The following PTPRT variants were observed in gnomAD, a reference collection of about 807,000 sequenced individuals.
PTPRT encodes protein tyrosine phosphatase receptor type T, also known as receptor-type tyrosine-protein phosphatase T.
PTPRT carries 56 observed loss-of-function variants against 176.8 expected under a neutral mutation model. The ratio of observed to expected loss-of-function variants is 0.32; its 90% CI spans 0.26 to 0.40. The LOEUF is 0.40. Ranked by LOEUF, PTPRT falls within the 10% of genes least tolerant of loss-of-function variation. PTPRT has a pLI of 1.00. For synonymous variants in PTPRT, 783 were observed against 739.0 expected (o/e 1.06, Z -0.96); for missense variants, 1,540 against 1,908.2 (o/e 0.81, Z 3.60).
At chr20:42,566,858 A>T (rs865793891) in intron 7 of PTPRT, among the ~76,000 whole-genome samples, 2 of 152,234 alleles carry the variant, frequency 1.3e-5, no homozygotes, top group Admixed American at 6.5e-5. Flanking sequence ...CAAATGTGCC[A>T]TGGCAATGTA....
At chr20:42,707,439 T>C (rs1249852260) in intron 6 of PTPRT, among the ~76,000 whole-genome samples, 2 of 152,038 alleles carry the variant, frequency 1.3e-5, no homozygotes, top group South Asian at 2.1e-4. Flanking sequence ...AGGTGAACTC[T>C]TAAAAAAGAT....
intron 27 of PTPRT, among the ~76,000 whole-genome samples, chr20:42,094,044 T>G (rs1416117122): frequency 6.6e-6 from 1 of 152,264 alleles, no homozygotes; most frequent in Non-Finnish European, 1.5e-5. Context: ...TGAAAGATTC[T>G]TCATTCACCC....
intron 15 of PTPRT, among the ~76,000 whole-genome samples, chr20:42,225,312 T>C (rs576569367): frequency 1.3e-5 from 2 of 152,278 alleles, no homozygotes; most frequent in East Asian, 3.9e-4. Flanking sequence ...CTAGCCTAGC[T>C]CTATAATTTC....
At chr20:42,162,149 G>A (rs1989630004) in intron 16 of PTPRT, among the ~76,000 whole-genome samples, 1 of 152,104 alleles carries the variant, frequency 6.6e-6, no homozygotes, top group Non-Finnish European at 1.5e-5. Flanking sequence ...TATGAGCTCT[G>A]CCACAGTGAC....
intron 14 of PTPRT, among the ~76,000 whole-genome samples, chr20:42,247,111 TACCCCTAGTTTCTCCA>T (rs1488505894): frequency 2.0e-5 from 3 of 152,252 alleles, no homozygotes; most frequent in African/African-American, 7.2e-5. Context: ...TACCTTCTGT[TACCCCTAGTTTCTCCA>T]ACCAGAAAAT....
intron 11 of PTPRT, among the ~76,000 whole-genome samples, chr20:42,317,483 C>A (rs1210888741): frequency 1.3e-5 from 2 of 152,032 alleles, no homozygotes; most frequent in African/African-American, 4.8e-5. Context: ...CAAAGAGTAC[C>A]CACTGGAGAC....
At chr20:43,069,208 A>T (rs2011149953) in intron 1 of PTPRT, among the ~76,000 whole-genome samples, 1 of 152,106 alleles carries the variant, frequency 6.6e-6, no homozygotes, top group South Asian at 2.1e-4. Context: ...TTCAGATAGG[A>T]TGTCTCTAAC....
intron 1 of PTPRT, among the ~76,000 whole-genome samples, chr20:43,144,375 A>T (rs994399142): frequency 1.3e-5 from 2 of 152,020 alleles, no homozygotes; most frequent in Non-Finnish European, 2.9e-5. Flanking sequence ...ACACACAAAT[A>T]ATCACCTTCC....
chr20:42,641,333 G>A (rs2074744814), intron 7 of PTPRT, among the ~76,000 whole-genome samples: 1 of 152,174 alleles, frequency 6.6e-6, no homozygotes, highest in African/African-American at 2.4e-5. Flanking sequence ...AGTGTGCACT[G>A]AGAACAGCCT....
At chr20:42,159,962 C>T (rs976134242) in intron 17 of PTPRT, among the ~76,000 whole-genome samples, 4 of 152,156 alleles carry the variant, frequency 2.6e-5, no homozygotes, top group African/African-American at 9.7e-5. Context: ...AATTTCATGA[C>T]CTCATACGAC....
chr20:42,944,262 G>A (rs533183871), intron 1 of PTPRT, among the ~76,000 whole-genome samples: 11 of 152,210 alleles, frequency 7.2e-5, no homozygotes, highest in African/African-American at 2.6e-4. Flanking sequence ...TGGAATTTCT[G>A]TCTTCCTAGG....
chr20:42,442,162 G>A (rs556816215), intron 9 of PTPRT, among the ~76,000 whole-genome samples: 8 of 152,246 alleles, frequency 5.3e-5, no homozygotes, highest in South Asian at 4.1e-4. Flanking sequence ...GAGTTTCCTC[G>A]TGAGCTTATC....
At chr20:42,916,612 C>A (rs1376409814) in intron 1 of PTPRT, among the ~76,000 whole-genome samples, 1 of 152,188 alleles carries the variant, frequency 6.6e-6, no homozygotes, top group Non-Finnish European at 1.5e-5. Context: ...TTCTCCACAT[C>A]CTCTCCAGCA....
intron 17 of PTPRT, among the ~76,000 whole-genome samples, chr20:42,150,445 G>C (rs373119202): frequency 6.6e-6 from 1 of 152,122 alleles, no homozygotes. Flanking sequence ...AGGGCTTGCC[G>C]CCTCCATGTT....
intron 2 of PTPRT, among the ~76,000 whole-genome samples, chr20:42,841,338 C>G (rs2078274198): frequency 6.6e-6 from 1 of 152,122 alleles, no homozygotes; most frequent in South Asian, 2.1e-4. Context: ...GTTTCCCCAC[C>G]TTTAAAACAC....
At chr20:42,257,271 G>A (rs897734529) in intron 13 of PTPRT, among the ~76,000 whole-genome samples, 3 of 152,308 alleles carry the variant, frequency 2.0e-5, no homozygotes, top group Admixed American at 1.3e-4. Context: ...CAGGACAGCC[G>A]GGTGTGAAAC....
In PTPRT at chr20:42,350,214, G is replaced by GTTTTTTTTTTTT. The variant is rs764181357; in HGVS notation, c.1865+402_1865+413dup. Among the ~76,000 whole-genome samples, 64 of 58,296 alleles carry GTTTTTTTTTTTT rather than the reference G, an allele frequency of 1.1e-3. 5 individuals carry two copies. The highest frequency in any genetic ancestry group is 1.5e-3 in the Non-Finnish European group (46 of 30,204). The allele number at this position is 58,296 out of a possible 152,430, so 38.2% of individuals were successfully genotyped here. ...TCAGGTCCTGATTAGGATGTTTCTT[G>GTTTTTTTTTTTT]TTTTTTTTTTTTTTTTTTTTTTTTT... is the stretch of plus-strand genomic sequence containing the variant. On this transcript the variant is annotated intron_variant, in intron 11 of 30. Coordinates refer to ENST00000373187, the MANE Select transcript of PTPRT (RefSeq NM_007050.6).
At chr20:42,262,886 C>T (rs1416669816) in intron 13 of PTPRT, among the ~76,000 whole-genome samples, 1 of 152,164 alleles carries the variant, frequency 6.6e-6, no homozygotes, top group Non-Finnish European at 1.5e-5. Flanking sequence ...AAGTGGCCCA[C>T]CCAGTTGACT....
At chr20:42,803,145 ACCAGGAAG>A (rs2077554828) in intron 2 of PTPRT, among the ~76,000 whole-genome samples, 1 of 152,246 alleles carries the variant, frequency 6.6e-6, no homozygotes, top group Non-Finnish European at 1.5e-5. Flanking sequence ...CCTAGAAGGC[ACCAGGAAG>A]CCATGGAACA....
Sources: gnomAD v4.1 joint callset for allele counts (sites outside exome capture counted in the v4.1 genomes callset) on GRCh38, gnomAD v4.1.1 for gene constraint, MANE v1.5 for transcripts, NCBI Gene and HGNC (gene_info 2026-07-23, HGNC 2026-07-21) for gene names.